DMXL2: variants seen among roughly 807,000 people sequenced by gnomAD.
DMXL2 encodes the protein dmX-like protein 2.
DMXL2 carries 103 observed loss-of-function variants against 331.1 expected under a neutral mutation model. That is an observed-to-expected ratio of 0.31 (90% CI 0.27 to 0.37). DMXL2 has a LOEUF of 0.37. Among genes scored for constraint, DMXL2 ranks in the 10% least tolerant of loss-of-function variants. DMXL2 has a pLI of 1.00. For synonymous variants in DMXL2, 1,281 were observed against 1,252.1 expected, an observed-to-expected ratio of 1.02 and a Z score of -0.49; for missense variants, 3,171 against 3,642.9, an observed-to-expected ratio of 0.87 and a Z score of 3.33.
Position 51,498,610 on chromosome 15 carries a change from A to G in DMXL2, c.4614T>C (p.Ala1538=), listed in dbSNP as rs1355575841. 6.2e-7 allele frequency: 1 copy of G among 1,614,190 alleles called. No homozygotes were observed. Among genetic ancestry groups the G allele is most frequent in the Admixed American group, 1.7e-5 (1 of 60,024 alleles). ...CAGTACTAGTAGTAGCCACTGTATC[A>G]GCCAAAGCTACAAGGAACATCTGCT... ...RLEQMFLVAL[A]DTVATTSTEL... is the part of the protein sequence containing the mutation. The change falls in exon 18 of 44, where the codon GCT becomes GCC. Residue 1538 remains alanine (A), a synonymous_variant. Coordinates refer to ENST00000560891, the MANE Select transcript of DMXL2 (RefSeq NM_001378457.1).
At chr15:51,567,841 T>G (rs1037025003) in intron 3 of DMXL2, 2 of 152,510 alleles carry the variant, frequency 1.3e-5, no homozygotes, top group African/African-American at 4.8e-5. Context: ...TCCAGCAATT[T>G]GGGAGGCTGA....
chr15:51,549,082 C>A (rs895495710), intron 6 of DMXL2, among the ~76,000 whole-genome samples: 1 of 151,968 alleles, frequency 6.6e-6, no homozygotes, highest in African/African-American at 2.4e-5. Context: ...ACACTGTACC[C>A]AATTTGTAGT....
chr15:51,606,880 C>T (rs896817821), intron 1 of DMXL2, among the ~76,000 whole-genome samples: 2 of 152,128 alleles, frequency 1.3e-5, no homozygotes, highest in East Asian at 1.9e-4. Context: ...AACATGGGGC[C>T]GGGCAAGGTG....
At chr15:51,613,873 A>C (rs1293142354) in intron 1 of DMXL2, among the ~76,000 whole-genome samples, 3 of 152,210 alleles carry the variant, frequency 2.0e-5, no homozygotes, top group African/African-American at 7.2e-5. Context: ...GGTTGAGCTG[A>C]GATTACCACC....
In DMXL2 at chr15:51,502,793, A is replaced by C; in HGVS notation, c.2992+13T>G. ...CTCTGAGCTACCACTGCCCAGTCTT[A>C]AAGTGACCTTACCTGCTGAAGGCGT... On this transcript the variant is annotated intron_variant, in intron 17 of 43. Transcript: ENST00000560891. 1 of 1,600,922 alleles carries C rather than the reference A, an allele frequency of 6.2e-7. No homozygotes were observed. Among genetic ancestry groups the C allele is most frequent in the Non-Finnish European group, 8.6e-7 (1 of 1,167,990 alleles).
intron 1 of DMXL2, among the ~76,000 whole-genome samples, chr15:51,614,173 A>T (rs950824817): frequency 2.0e-5 from 3 of 152,216 alleles, no homozygotes; most frequent in African/African-American, 7.2e-5. Flanking sequence ...ATGAGGAAAT[A>T]ACAAGAAGGG....
chr15:51,465,515 G>A, intron 31 of DMXL2, 51 bp downstream of exon 31: 3 of 1,320,994 alleles, frequency 2.3e-6, no homozygotes, highest in Non-Finnish European at 3.2e-6. Flanking sequence ...AGAGAAACTT[G>A]ACGGCAATTT....
chr15:51,587,289 G>C (rs2051916971), intron 1 of DMXL2, among the ~76,000 whole-genome samples: 2 of 152,034 alleles, frequency 1.3e-5, no homozygotes. Flanking sequence ...TTTAGCATTA[G>C]GTATATCTCC....
At chr15:51,508,511 G>A (rs991221866) in intron 15 of DMXL2, among the ~76,000 whole-genome samples, 1 of 152,094 alleles carries the variant, frequency 6.6e-6, no homozygotes, top group African/African-American at 2.4e-5. Context: ...CACTATGTAA[G>A]CATTTAAAAA....
intron 42 of DMXL2, among the ~76,000 whole-genome samples, chr15:51,451,094 T>G (rs918957191): frequency 2.6e-5 from 4 of 152,200 alleles, no homozygotes; most frequent in African/African-American, 9.7e-5. Context: ...TGGCACTGTT[T>G]ACATTTCTAG....
intron 1 of DMXL2, among the ~76,000 whole-genome samples, chr15:51,617,410 G>C (rs532688226): frequency 1.3e-5 from 2 of 152,298 alleles, no homozygotes; most frequent in East Asian, 3.9e-4. Context: ...CTCCTCAGCT[G>C]TAAGCCCAAA....
At chr15:51,470,029 T>C (rs2040951321) in intron 29 of DMXL2, among the ~76,000 whole-genome samples, 1 of 152,204 alleles carries the variant, frequency 6.6e-6, no homozygotes, top group Non-Finnish European at 1.5e-5. Flanking sequence ...CCAGAGTTTC[T>C]GATTGAGGGG....
chr15:51,452,917 T>G (rs908593684), intron 41 of DMXL2, among the ~76,000 whole-genome samples: 1 of 152,092 alleles, frequency 6.6e-6, no homozygotes, highest in Non-Finnish European at 1.5e-5. Flanking sequence ...TAAAAAGGAA[T>G]GAGATAATCA....
At chr15:51,554,628 A>C (rs2049435487) in intron 6 of DMXL2, among the ~76,000 whole-genome samples, 1 of 152,200 alleles carries the variant, frequency 6.6e-6, no homozygotes, top group African/African-American at 2.4e-5. Context: ...TGGCTTATCA[A>C]AATTTCAGTG....
At chr15:51,449,629 T>G (rs1321929627) in intron 43 of DMXL2, among the ~76,000 whole-genome samples, 1 of 152,220 alleles carries the variant, frequency 6.6e-6, no homozygotes, top group Non-Finnish European at 1.5e-5. Flanking sequence ...CTGAGGTTAG[T>G]CTCAATAAAC....
intron 25 of DMXL2, among the ~76,000 whole-genome samples, chr15:51,479,614 T>G (rs1001543351): frequency 6.6e-6 from 1 of 152,204 alleles, no homozygotes; most frequent in Non-Finnish European, 1.5e-5. Context: ...TTTCATAATA[T>G]CTTGGCATGT....
At chr15:51,517,306 T>C in intron 13 of DMXL2, 139 bp from the exon 14 acceptor site, 1 of 617,918 alleles carries the variant, frequency 1.6e-6, no homozygotes. Flanking sequence ...AAAGAAATAC[T>C]TCAACTTTCC....
rs2039016376 is a variant in DMXL2 at position 51,450,230 on chromosome 15, G to A, written c.8866C>T (p.Leu2956Phe). The change falls in exon 43 of 44, where the codon CTC becomes TTC. Residue 2956 changes from leucine to phenylalanine, a missense_variant. By Grantham distance (22) the Leu-to-Phe change is conservative. Coordinates refer to ENST00000560891, the MANE Select transcript of DMXL2 (RefSeq NM_001378457.1). ...VCIFDIRQRQ[L>F]IHTFQAHDSA... ...TCATGGGCCTGGAACGTGTGAATGAGCTGCCTTTGCCTGATGTCAAAAATG... is the reference window on the plus strand; with the variant it reads ...TCATGGGCCTGGAACGTGTGAATGAACTGCCTTTGCCTGATGTCAAAAATG... 1 of 1,613,948 alleles carries A rather than the reference G, an allele frequency of 6.2e-7. No homozygotes were observed. The highest frequency in any genetic ancestry group is 1.7e-5 in the Admixed American group (1 of 59,976).
chr15:51,456,936 C>T (rs1310226216), intron 37 of DMXL2, among the ~76,000 whole-genome samples: 1 of 152,156 alleles, frequency 6.6e-6, no homozygotes, highest in East Asian at 1.9e-4. Flanking sequence ...CCTTGGGAGG[C>T]TGAAGCGGGT....
Sources: gnomAD v4.1 joint callset for allele counts (sites outside exome capture counted in the v4.1 genomes callset) on GRCh38, gnomAD v4.1.1 for gene constraint, MANE v1.5 for transcripts, NCBI Gene and HGNC (gene_info 2026-07-23, HGNC 2026-07-21) for gene names.